SLC25A18: variants seen among roughly 807,000 people sequenced by gnomAD.
SLC25A18 encodes mitochondrial glutamate carrier 2.
Under a neutral mutation model 31.1 loss-of-function variants are expected in SLC25A18, and 24 were observed. The ratio of observed to expected loss-of-function variants is 0.77; its 90% confidence interval spans 0.56 to 1.08. The LOEUF (loss-of-function observed/expected upper bound fraction) is 1.08, where lower values mean the gene tolerates loss of function less well. Among genes scored for constraint, SLC25A18 ranks in the 50% least tolerant of loss-of-function variants. SLC25A18 has a pLI of 0.00. For missense variants in SLC25A18, 371 were observed against 418.5 expected, an observed-to-expected ratio of 0.89 and a Z score of 0.99; for synonymous variants, 173 against 161.9, an observed-to-expected ratio of 1.07 and a Z score of -0.52.
chr22:17,581,664 C>T, intron 5 of SLC25A18: 1 of 527,690 alleles, frequency 1.9e-6, no homozygotes, highest in Non-Finnish European at 3.4e-6. Context: ...CTGCCTGCCT[C>T]TCTCTGCCTG....
rs551193556 is a variant in SLC25A18 at position 17,568,175 on chromosome 22, T to C, written c.-263-1749T>C. ...GTCAGGAGATCAAGACCATCCTGGC[T>C]AACATGGTGAAACCCCGTCTCTACT... On this transcript the variant is annotated intron_variant, in intron 1 of 10. Coordinates refer to ENST00000327451, the MANE Select transcript of SLC25A18 (RefSeq NM_031481.3). 2.2e-4 allele frequency among the ~76,000 whole-genome samples: 33 copies of C among 151,928 alleles called. No individual in the cohort carries two copies. In the South Asian group the frequency reaches 3.3e-3, roughly 15 times the overall value.
intron 7 of SLC25A18, 70 bp downstream of exon 7, chr22:17,583,604 C>T: frequency 6.4e-7 from 1 of 1,554,992 alleles, no homozygotes; most frequent in South Asian, 1.2e-5. Flanking sequence ...ATCCCACATC[C>T]CAACCTCATT....
At chr22:17,583,284 G>T in intron 6 of SLC25A18, 132 bp from the exon 7 acceptor site, 1 of 1,111,152 alleles carries the variant, frequency 9.0e-7, no homozygotes, top group South Asian at 1.4e-5. Context: ...AGGGCTAGCT[G>T]ATGACTTGAC....
At chr22:17,579,083 G>C (rs563904571) in intron 2 of SLC25A18, among the ~76,000 whole-genome samples, 2 of 151,824 alleles carry the variant, frequency 1.3e-5, no homozygotes, top group East Asian at 3.9e-4. Context: ...TTGTTTGTTT[G>C]TTTGTTTGTT....
chr22:17,563,699 G>A lies in SLC25A18; in HGVS notation c.-278G>A. The A allele has an allele frequency of 1.0e-6, 1 of 985,382 alleles. No individual in the cohort carries two copies. Among genetic ancestry groups the A allele is most frequent in the Non-Finnish European group, 1.2e-6 (1 of 829,924 alleles). 61.0% of individuals were successfully genotyped at this position (985,382 alleles called of 1,614,324 possible). On this transcript the variant is annotated 5_prime_UTR_variant, in exon 1 of 11. Transcript: ENST00000327451. ...AACTGAGATGAACGTCGACTCGCTT[G>A]CAGGCAAGTTGTCAGTAAGTATTTA... is the stretch of plus-strand genomic sequence containing the variant.
intron 2 of SLC25A18, among the ~76,000 whole-genome samples, chr22:17,579,324 C>G (rs1180329566): frequency 6.6e-6 from 1 of 152,060 alleles, no homozygotes; most frequent in Non-Finnish European, 1.5e-5. Flanking sequence ...TGAGCTCAGG[C>G]AATCCGCCCG....
intron 2 of SLC25A18, among the ~76,000 whole-genome samples, chr22:17,571,746 C>T (rs1442018050): frequency 6.8e-6 from 1 of 146,890 alleles, no homozygotes; most frequent in South Asian, 2.1e-4. Flanking sequence ...TGCAGTGAGA[C>T]TGTCTCAAAA....
chr22:17,588,288 G>A, intron 9 of SLC25A18: 1 of 550,652 alleles, frequency 1.8e-6, no homozygotes, highest in South Asian at 2.3e-5. Context: ...GATGCTGATT[G>A]CTTTAGCTTT....
chr22:17,579,194 A>G (rs1345583259), intron 2 of SLC25A18, among the ~76,000 whole-genome samples: 1 of 151,638 alleles, frequency 6.6e-6, no homozygotes, highest in East Asian at 1.9e-4. Context: ...GATTCAAGCA[A>G]TCTCCTACCT....
chr22:17,586,052 C>T (rs532788712), intron 7 of SLC25A18, among the ~76,000 whole-genome samples: 27 of 152,200 alleles, frequency 1.8e-4, no homozygotes, highest in African/African-American at 6.0e-4. Context: ...CAAATTCTAC[C>T]AAATAGGGAA....
In SLC25A18 at chr22:17,589,173, G is replaced by GT. The variant is rs142475005; in HGVS notation, c.731-406dup. 5.5e-3 allele frequency: 827 copies of GT among 149,608 alleles called. 7 individuals carry two copies. The highest frequency in any genetic ancestry group is 0.02 in the Admixed American group (302 of 14,870). The allele number at this position is 149,608 out of a possible 1,614,324, so 9.3% of individuals were successfully genotyped here. A position where few individuals can be genotyped will look rare whatever the true frequency, so the allele number is the denominator to read the frequency against. ...CAATGGCAGAACTGGCCTCATGACC[G>GT]TTTTTTTTTTTCTTTTTTTGTTTTT... On this transcript the variant is annotated intron_variant, in intron 9 of 10. Transcript: ENST00000327451.
chr22:17,580,735 G>C, intron 3 of SLC25A18: 1 of 1,144,726 alleles, frequency 8.7e-7, no homozygotes, highest in Admixed American at 4.6e-5. Flanking sequence ...ACGGGCCGGG[G>C]AAGCTTGGGG....
chr22:17,579,781 C>G lies in SLC25A18; in HGVS notation c.-164C>G. Reference sequence around the variant, plus strand: ...GCAGCCCAAGGAGGTCGTCACTTGCCGGGAAGGTGGCTCGGGCCAGGCTGC... The same window carrying G: ...GCAGCCCAAGGAGGTCGTCACTTGCGGGGAAGGTGGCTCGGGCCAGGCTGC... On this transcript the variant is annotated 5_prime_UTR_variant, in exon 3 of 11. Coordinates refer to ENST00000327451, the MANE Select transcript of SLC25A18 (RefSeq NM_031481.3). 1 of 1,408,566 alleles carries G rather than the reference C, an allele frequency of 7.1e-7. No individual in the cohort carries two copies. Among genetic ancestry groups the G allele is most frequent in the Non-Finnish European group, 9.3e-7 (1 of 1,080,400 alleles). 87.3% of individuals were successfully genotyped at this position (1,408,566 alleles called of 1,614,324 possible). A position where few individuals can be genotyped will look rare whatever the true frequency, so the allele number is the denominator to read the frequency against.
intron 7 of SLC25A18, 129 bp downstream of exon 7, chr22:17,583,663 GC>G: frequency 7.6e-7 from 1 of 1,315,424 alleles, no homozygotes. Flanking sequence ...GAAGTTTTTG[GC>G]CAGGCATGGT....
At chr22:17,578,314 C>T (rs1181015130) in intron 2 of SLC25A18, among the ~76,000 whole-genome samples, 1 of 152,208 alleles carries the variant, frequency 6.6e-6, no homozygotes, top group African/African-American at 2.4e-5. Flanking sequence ...TTGTTCACTA[C>T]TATGTCACCA....
intron 2 of SLC25A18, among the ~76,000 whole-genome samples, chr22:17,579,060 GTTTT>G (rs1352377065): frequency 5.4e-4 from 67 of 123,110 alleles, no homozygotes; most frequent in African/African-American, 1.8e-3. Context: ...TCTTAAGTGG[GTTTT>G]TTGTTTGTTT....
intron 3 of SLC25A18, 164 bp downstream of exon 3, chr22:17,580,128 G>A (rs1327553797): frequency 2.0e-5 from 12 of 599,660 alleles, no homozygotes; most frequent in South Asian, 1.1e-4. Context: ...TGGCAAATAC[G>A]TACACACAAG....
chr22:17,589,914 A>G (rs564632702), intron 10 of SLC25A18, among the ~76,000 whole-genome samples, 181 bp from the exon 11 acceptor site: 25 of 152,292 alleles, frequency 1.6e-4, no homozygotes, highest in African/African-American at 5.3e-4. Context: ...ACCCAACTGC[A>G]TAAGTAACCA....
intron 7 of SLC25A18, among the ~76,000 whole-genome samples, chr22:17,586,568 C>A (rs1273826550): frequency 1.3e-5 from 2 of 151,804 alleles, no homozygotes; most frequent in East Asian, 3.9e-4. Flanking sequence ...CACCTGAGGT[C>A]AGGAGTTTTG....
Sources: gnomAD v4.1 joint callset for allele counts (sites outside exome capture counted in the v4.1 genomes callset) on GRCh38, gnomAD v4.1.1 for gene constraint, MANE v1.5 for transcripts, NCBI Gene and HGNC (gene_info 2026-07-23, HGNC 2026-07-21) for gene names.